The following RBM24 variants were observed in gnomAD, a reference collection of about 807,000 sequenced individuals.
RBM24 encodes the protein RNA binding motif protein 24, also known as RNA-binding protein 24.
RBM24 carries 5 observed loss-of-function variants against 23.6 expected under a neutral mutation model. That is an observed-to-expected ratio of 0.21 (90% CI 0.11 to 0.45). The LOEUF (loss-of-function observed/expected upper bound fraction) is 0.45, where lower values mean the gene tolerates loss of function less well. RBM24 is among the 20% of genes least tolerant of loss of function. The pLI, the probability that RBM24 is intolerant of heterozygous loss-of-function variation, is 0.99. For missense variants in RBM24, 252 were observed against 314.6 expected (o/e 0.80, Z 1.51); for synonymous variants, 151 against 129.5 (o/e 1.17, Z -1.13).
Position 17,292,020 on chromosome 6 carries a change from G to A in RBM24, c.612G>A (p.Ala204=), listed in dbSNP as rs772412646. 41 of 1,602,760 alleles carry A rather than the reference G, an allele frequency of 2.6e-5. No homozygotes were observed. The Admixed American group carries it at 4.3e-4, about 17-fold the overall frequency. ...GYAVQQPITA[A]APGTAAAAAA... ...CAGTCCAGCAGCCAATCACCGCAGC[G>A]GCACCTGGGACAGCTGCCGCCGCCG... Residue 204 remains alanine, a synonymous_variant, in exon 4 of 4, where the codon GCG becomes GCA. Coordinates refer to ENST00000379052, the MANE Select transcript of RBM24 (RefSeq NM_001143942.2).
rs1240591532 is a variant in RBM24 at position 17,282,843 on chromosome 6, C to G, written c.207C>G (p.Cys69Trp). ...MADRAAAERA[C>W]KDPNPIIDGR... is the part of the protein sequence containing the mutation. ...ACCGGGCTGCTGCCGAAAGGGCCTGCAAGGATCCCAATCCCATCATTGATG... is the reference window on the plus strand; with the variant it reads ...ACCGGGCTGCTGCCGAAAGGGCCTGGAAGGATCCCAATCCCATCATTGATG... Residue 69 changes from cysteine (C) to tryptophan (W), a missense_variant, in exon 2 of 4, where the codon TGC becomes TGG. Coordinates refer to ENST00000379052, the MANE Select transcript of RBM24 (RefSeq NM_001143942.2). 6.2e-7 allele frequency: 1 copy of G among 1,614,080 alleles called. No individual in the cohort carries two copies. The highest frequency in any genetic ancestry group is 1.7e-5 in the Admixed American group (1 of 60,020).
chr6:17,290,303 G>A (rs1772123), intron 3 of RBM24, among the ~76,000 whole-genome samples: 134,839 of 152,204 alleles, frequency 0.89, 59,941 homozygotes, highest in East Asian at 0.98. Flanking sequence ...CAGCAACCAC[G>A]TAGTATTATA....
chr6:17,286,518 C>T (rs990780631), intron 3 of RBM24, among the ~76,000 whole-genome samples: 1 of 152,016 alleles, frequency 6.6e-6, no homozygotes. Context: ...GTGGGTGATG[C>T]AAAATGAGGG....
In RBM24 at chr6:17,292,062, C is replaced by A; in HGVS notation, c.654C>A (p.Ala218=). ...TAAAAAAAAA[A]AAAFGQYQPQ... ...CCGCCGCCGCTGCAGCAGCTGCTGCCGCTGCAGCATTTGGCCAGTACCAGC... is the reference window on the plus strand; with the variant it reads ...CCGCCGCCGCTGCAGCAGCTGCTGCAGCTGCAGCATTTGGCCAGTACCAGC... Residue 218 remains alanine (A), a synonymous_variant, in exon 4 of 4, where the codon GCC becomes GCA. Coordinates refer to ENST00000379052, the MANE Select transcript of RBM24 (RefSeq NM_001143942.2). The A allele has an allele frequency of 6.3e-7, 1 of 1,591,722 alleles. No individual in the cohort carries two copies. The highest frequency in any genetic ancestry group is 8.5e-7 in the Non-Finnish European group (1 of 1,173,614).
At chr6:17,289,430 T>C in intron 3 of RBM24, 2 of 985,460 alleles carry the variant, frequency 2.0e-6, no homozygotes, top group Non-Finnish European at 1.2e-6. Flanking sequence ...GATAATCCAG[T>C]GAACTTTCTT....
Position 17,282,797 on chromosome 6 carries a change from TTGC to T in RBM24, c.169-6_169-4del, listed in dbSNP as rs1175071203. The stretch of plus-strand genomic sequence containing the variant: ...ATGTATGTATGTCTGTGTGTGTCTG[TTGC>T]TAAGGTCACCATGGCTGACCGGGCT... On this transcript the variant is annotated splice_polypyrimidine_tract_variant and splice_region_variant and intron_variant, in intron 1 of 3. Coordinates refer to ENST00000379052, the MANE Select transcript of RBM24 (RefSeq NM_001143942.2). 6.2e-7 allele frequency: 1 copy of T among 1,614,074 alleles called. No homozygotes were observed. The highest frequency in any genetic ancestry group is 8.5e-7 in the Non-Finnish European group (1 of 1,179,940).
chr6:17,291,185 G>A (rs1376423443), intron 3 of RBM24, among the ~76,000 whole-genome samples: 3 of 152,178 alleles, frequency 2.0e-5, no homozygotes, highest in African/African-American at 7.2e-5. Context: ...AGGTTGCAGA[G>A]AGATTAATGT....
Position 17,291,739 on chromosome 6 carries a change from T to G in RBM24, c.348-17T>G. 1 of 1,588,884 alleles carries G rather than the reference T, an allele frequency of 6.3e-7. No individual in the cohort carries two copies. The highest frequency in any genetic ancestry group is 1.3e-5 in the African/African-American group (1 of 74,240). On this transcript the variant is annotated splice_polypyrimidine_tract_variant and intron_variant, in intron 3 of 3. Coordinates refer to ENST00000379052, the MANE Select transcript of RBM24 (RefSeq NM_001143942.2). ...GGAGGTGACTACCGCCTGACTTTGT[T>G]TTCCATTTCTCAACAGGATACCTGC...
In RBM24 at chr6:17,291,825, G is replaced by C. The variant is rs960297977; in HGVS notation, c.417G>C (p.Pro139=). Residue 139 remains proline, a synonymous_variant, in exon 4 of 4, where the codon CCG becomes CCC. Coordinates refer to ENST00000379052, the MANE Select transcript of RBM24 (RefSeq NM_001143942.2). ...GAGTGGTCATTCCACACGTCCAGCCGACAGCAGCTGCCGCCTCCACCACCC... is the reference window on the plus strand; with the variant it reads ...GAGTGGTCATTCCACACGTCCAGCCCACAGCAGCTGCCGCCTCCACCACCC... ...QPGVVIPHVQ[P]TAAAASTTPY... is the part of the protein sequence containing the mutation. The C allele has an allele frequency of 1.2e-6, 2 of 1,614,086 alleles. No individual in the cohort carries two copies. Among genetic ancestry groups the C allele is most frequent in the South Asian group, 2.2e-5 (2 of 91,070 alleles).
intron 3 of RBM24, chr6:17,288,914 G>A (rs1161856324): frequency 3.0e-6 from 3 of 985,418 alleles, no homozygotes; most frequent in Admixed American, 1.2e-4. Context: ...AAATGAATGA[G>A]ATGGAGTATT....
At chr6:17,285,379 A>G (rs889869693) in intron 3 of RBM24, among the ~76,000 whole-genome samples, 1 of 150,450 alleles carries the variant, frequency 6.6e-6, no homozygotes, top group East Asian at 1.9e-4. Context: ...GGTGGTGTTG[A>G]GGGGTGTTGA....
intron 1 of RBM24, chr6:17,282,359 C>A (rs1760050279): frequency 1.2e-6 from 1 of 807,990 alleles, no homozygotes; most frequent in Non-Finnish European, 1.8e-6. Flanking sequence ...TAGCTATTGT[C>A]GTTGGGGAGT....
At position 17,291,753 on chromosome 6, in the gene RBM24, C is replaced by A; in HGVS notation, c.348-3C>A. The stretch of plus-strand genomic sequence containing the variant: ...CCTGACTTTGTTTTCCATTTCTCAA[C>A]AGGATACCTGCCCACTATGTCTATC... On this transcript the variant is annotated splice_region_variant and splice_polypyrimidine_tract_variant and intron_variant, in intron 3 of 3. Coordinates refer to ENST00000379052, the MANE Select transcript of RBM24 (RefSeq NM_001143942.2). 1 of 1,599,354 alleles carries A rather than the reference C, an allele frequency of 6.3e-7. No homozygotes were observed. The highest frequency in any genetic ancestry group is 8.5e-7 in the Non-Finnish European group (1 of 1,170,408).
chr6:17,289,471 A>G, intron 3 of RBM24: 3 of 985,482 alleles, frequency 3.0e-6, no homozygotes, highest in Non-Finnish European at 3.6e-6. Context: ...TTGTGAAATC[A>G]AAACTATTTC....
At chr6:17,288,872 T>C (rs1224300657) in intron 3 of RBM24, 1 of 985,350 alleles carries the variant, frequency 1.0e-6, no homozygotes, top group Non-Finnish European at 1.2e-6. Flanking sequence ...GCACTGAGTT[T>C]GGTTTTTTAG....
intron 3 of RBM24, among the ~76,000 whole-genome samples, chr6:17,286,587 T>A (rs1312685556): frequency 1.3e-5 from 2 of 152,206 alleles, no homozygotes; most frequent in African/African-American, 4.8e-5. Context: ...AATTATTAAT[T>A]TCTAAGTGAC....
At chr6:17,286,206 T>TTTTA (rs398000666) in intron 3 of RBM24, among the ~76,000 whole-genome samples, 3 of 151,172 alleles carry the variant, frequency 2.0e-5, no homozygotes, top group African/African-American at 7.3e-5. Flanking sequence ...TTTTTTTTTT[T>TTTTA]AGCTGTGGAA....
At chr6:17,284,234 A>G (rs563758990) in intron 2 of RBM24, among the ~76,000 whole-genome samples, 11 of 152,334 alleles carry the variant, frequency 7.2e-5, no homozygotes, top group African/African-American at 2.4e-4. Flanking sequence ...AATACTGGAA[A>G]GTGTAAAACC....
chr6:17,288,154 G>A, intron 3 of RBM24: 1 of 698,112 alleles, frequency 1.4e-6, no homozygotes, highest in Non-Finnish European at 1.8e-6. Flanking sequence ...GTTAGAGGCT[G>A]AGTCTAGATT....
Sources: gnomAD v4.1 joint callset for allele counts (sites outside exome capture counted in the v4.1 genomes callset) on GRCh38, gnomAD v4.1.1 for gene constraint, MANE v1.5 for transcripts, NCBI Gene and HGNC (gene_info 2026-07-23, HGNC 2026-07-21) for gene names.